Variants in PNO1 observed in about 807,000 individuals in gnomAD.
PNO1 encodes the protein RNA-binding protein PNO1.
PNO1 carries 16 observed loss-of-function variants against 28.4 expected under a neutral mutation model. The observed-to-expected ratio is 0.56, with a 90% CI of 0.38 to 0.85. The LOEUF is 0.85. Among genes scored for constraint, PNO1 ranks in the 40% least tolerant of loss-of-function variants. PNO1 has a pLI of 0.00. For missense variants in PNO1, 304 were observed against 312.2 expected, an observed-to-expected ratio of 0.97 and a Z score of 0.20; for synonymous variants, 115 against 110.8, an observed-to-expected ratio of 1.04 and a Z score of -0.24.
At chr2:68,168,971 A>G (rs181138670) in intron 5 of PNO1, among the ~76,000 whole-genome samples, 1,544 of 126,796 alleles carry the variant, frequency 0.012, 14 homozygotes, top group South Asian at 0.031. Flanking sequence ...CTCTATCGCC[A>G]AGGCTGAAGT....
intron 5 of PNO1, among the ~76,000 whole-genome samples, chr2:68,163,676 T>C (rs1454780198): frequency 6.6e-6 from 1 of 152,220 alleles, no homozygotes; most frequent in Non-Finnish European, 1.5e-5. Flanking sequence ...ATATCTACTT[T>C]ATGTATATAC....
chr2:68,162,638 C>T lies in PNO1; in HGVS notation c.595C>T (p.Arg199Trp), dbSNP rs760907093. The T allele has an allele frequency of 7.5e-6, 12 of 1,610,322 alleles. No individual in the cohort carries two copies. The highest frequency in any genetic ancestry group is 5.3e-5 in the African/African-American group (4 of 74,810). ...CAAATTCACCATAGAGAATGTGACA[C>T]GGACAAGGATAGTTTTGGCTGATGT... Reference protein sequence around the residue: ...KTKFTIENVTRTRIVLADVKV... With the variant: ...KTKFTIENVTWTRIVLADVKV... The change falls in exon 5 of 7, where the codon CGG becomes TGG. Residue 199 changes from arginine (R) to tryptophan (W), a missense_variant. Coordinates refer to ENST00000263657, the MANE Select transcript of PNO1 (RefSeq NM_020143.4).
rs371694928 is a variant in PNO1, at chr2:68,167,145, G to A, written c.620+4482G>A. ...AGACTTTTATGATGTTCTTTCCATC[G>A]AGTTCTCTTCCATAGCATTGACACT... On this transcript the variant is annotated intron_variant, in intron 5 of 6. Coordinates refer to ENST00000263657, the MANE Select transcript of PNO1 (RefSeq NM_020143.4). Among the ~76,000 whole-genome samples, 218 of 152,188 alleles carry A rather than the reference G, an allele frequency of 1.4e-3. 1 individual carries two copies. The Middle Eastern group carries it at 0.027, about 19-fold the overall frequency.
intron 5 of PNO1, among the ~76,000 whole-genome samples, chr2:68,164,935 T>C (rs1172563122): frequency 6.6e-6 from 1 of 152,208 alleles, no homozygotes; most frequent in Non-Finnish European, 1.5e-5. Flanking sequence ...TTTGATATCA[T>C]AGGATACTTC....
chr2:68,165,781 G>T (rs1164784116), intron 5 of PNO1, among the ~76,000 whole-genome samples: 2 of 151,812 alleles, frequency 1.3e-5, no homozygotes, highest in African/African-American at 2.4e-5. Flanking sequence ...AAGTATATTT[G>T]TAAGTGTTAA....
At chr2:68,167,082 C>T (rs949113332) in intron 5 of PNO1, among the ~76,000 whole-genome samples, 6 of 152,184 alleles carry the variant, frequency 3.9e-5, no homozygotes, top group African/African-American at 1.4e-4. Context: ...CAGCTTTTTC[C>T]ATAATAATGA....
intron 5 of PNO1, among the ~76,000 whole-genome samples, chr2:68,166,344 G>A (rs746023121): frequency 2.0e-5 from 3 of 152,180 alleles, no homozygotes; most frequent in Non-Finnish European, 4.4e-5. Context: ...CACATATTTT[G>A]TATGTTATAT....
intron 5 of PNO1, among the ~76,000 whole-genome samples, chr2:68,167,485 C>T (rs980427048): frequency 1.2e-4 from 18 of 152,182 alleles, no homozygotes; most frequent in African/African-American, 4.3e-4. Flanking sequence ...CTTCAAGGAT[C>T]GGGGTTAGCA....
At chr2:68,163,657 T>C (rs1673902920) in intron 5 of PNO1, among the ~76,000 whole-genome samples, 1 of 152,174 alleles carries the variant, frequency 6.6e-6, no homozygotes, top group South Asian at 2.1e-4. Context: ...TGTGAGTCTT[T>C]AGAAGTATAT....
intron 5 of PNO1, among the ~76,000 whole-genome samples, chr2:68,166,988 G>A (rs1225338231): frequency 2.6e-5 from 4 of 152,166 alleles, no homozygotes; most frequent in Non-Finnish European, 2.9e-5. Context: ...GTTTGGCTCT[G>A]TCGTAAATCC....
chr2:68,165,545 CAA>C (rs36126325), intron 5 of PNO1, among the ~76,000 whole-genome samples: 3,206 of 66,934 alleles, frequency 0.048, 79 homozygotes, highest in African/African-American at 0.15. Context: ...GACTCCATCT[CAA>C]AAAAAAAAAA....
intron 5 of PNO1, among the ~76,000 whole-genome samples, chr2:68,164,664 G>T (rs1218726614): frequency 6.6e-6 from 1 of 152,036 alleles, no homozygotes; most frequent in African/African-American, 2.4e-5. Flanking sequence ...AGGTGTGATT[G>T]TGCACACCTG....
rs2103661642 is a variant in PNO1 at position 68,158,546 on chromosome 2, T to C, written c.357+17T>C. On this transcript the variant is annotated intron_variant, in intron 2 of 6. Transcript: ENST00000263657. ...GAAATCAGGGTAAGGAAAATCTCAA[T>C]CATTTCCCAATACACCAGGCTTTCT... The C allele has an allele frequency of 1.2e-6, 2 of 1,605,432 alleles. No homozygotes were observed. The highest frequency in any genetic ancestry group is 2.2e-5 in the South Asian group (2 of 90,112).
chr2:68,176,191 T>G lies in PNO1; in HGVS notation c.*1389T>G, dbSNP rs903675941. ...TGTTTAAATGGTATTATTTTATACA[T>G]TACAAAATGGAAGGAACTTACTTTA... On this transcript the variant is annotated 3_prime_UTR_variant, in exon 7 of 7. Coordinates refer to ENST00000263657, the MANE Select transcript of PNO1 (RefSeq NM_020143.4). 2.6e-5 allele frequency: 4 copies of G among 152,198 alleles called. No homozygotes were observed. Among genetic ancestry groups the G allele is most frequent in the African/African-American group, 9.6e-5 (4 of 41,454 alleles). The allele number at this position is 152,198 out of a possible 1,614,324, so 9.4% of individuals were successfully genotyped here.
At chr2:68,174,433 G>GA (rs199929499) in intron 6 of PNO1, among the ~76,000 whole-genome samples, 3,792 of 149,250 alleles carry the variant, frequency 0.025, 151 homozygotes, top group African/African-American at 0.085. Context: ...CAAATACTCA[G>GA]AAAAAAAATA....
At chr2:68,169,825 T>A (rs1024384028) in intron 5 of PNO1, among the ~76,000 whole-genome samples, 8 of 152,198 alleles carry the variant, frequency 5.3e-5, no homozygotes, top group African/African-American at 4.8e-5. Flanking sequence ...TTTTTTCACA[T>A]CTCCAAAATA....
At chr2:68,171,456 G>A (rs978465260) in intron 5 of PNO1, among the ~76,000 whole-genome samples, 1 of 152,184 alleles carries the variant, frequency 6.6e-6, no homozygotes, top group Non-Finnish European at 1.5e-5. Context: ...GGTCTGCACA[G>A]TCAGTTCCAT....
At chr2:68,168,107 G>A (rs999860726) in intron 5 of PNO1, among the ~76,000 whole-genome samples, 3 of 152,214 alleles carry the variant, frequency 2.0e-5, no homozygotes, top group African/African-American at 7.2e-5. Context: ...CCAAAAGCAG[G>A]CACTCTGAAG....
intron 5 of PNO1, among the ~76,000 whole-genome samples, chr2:68,168,748 G>C (rs1252635470): frequency 6.6e-6 from 1 of 151,984 alleles, no homozygotes; most frequent in African/African-American, 2.4e-5. Context: ...AGGGGTATTT[G>C]GCAAAACTGC....
Sources: allele counts gnomAD v4.1 joint callset (sites outside exome capture counted in the v4.1 genomes callset), GRCh38; gene constraint gnomAD v4.1.1; transcripts MANE v1.5; gene names NCBI Gene and HGNC (gene_info 2026-07-23, HGNC 2026-07-21).